The following PDE3A variants were observed in gnomAD, a reference collection of about 807,000 sequenced individuals.
PDE3A encodes the protein cGMP-inhibited 3',5'-cyclic phosphodiesterase 3A.
PDE3A carries 43 observed loss-of-function variants against 98.3 expected under a neutral mutation model. The ratio of observed to expected loss-of-function variants is 0.44; its 90% CI spans 0.34 to 0.56. The LOEUF (loss-of-function observed/expected upper bound fraction) is 0.56. Ranked by LOEUF, PDE3A falls within the 20% of genes least tolerant of loss-of-function variation. The pLI, the probability that PDE3A is intolerant of heterozygous loss-of-function variation, is 0.01. For missense variants in PDE3A, 1,427 were observed against 1,440.7 expected (o/e 0.99, Z 0.15); for synonymous variants, 663 against 567.9 (o/e 1.17, Z -2.38).
At chr12:20,620,308 C>T (rs1944102648) in intron 4 of PDE3A, among the ~76,000 whole-genome samples, 1 of 151,998 alleles carries the variant, frequency 6.6e-6, no homozygotes, top group South Asian at 2.1e-4. Context: ...ATTGTCAAAT[C>T]ATATTTACGT....
intron 2 of PDE3A, among the ~76,000 whole-genome samples, chr12:20,561,603 G>T (rs1232717955): frequency 6.6e-6 from 1 of 151,954 alleles, no homozygotes. Flanking sequence ...TAGACAAAAC[G>T]TTGGCATCTA....
At chr12:20,465,216 A>G (rs1050645699) in intron 1 of PDE3A, among the ~76,000 whole-genome samples, 12 of 152,084 alleles carry the variant, frequency 7.9e-5, no homozygotes, top group Admixed American at 6.6e-4. Context: ...AGCATGTCAT[A>G]GTTTTCATTT....
At chr12:20,639,500 A>G (rs1189726874) in intron 9 of PDE3A, among the ~76,000 whole-genome samples, 4 of 152,104 alleles carry the variant, frequency 2.6e-5, no homozygotes, top group Non-Finnish European at 5.9e-5. Flanking sequence ...TGAAATTTTC[A>G]TTATGGAAAA....
intron 1 of PDE3A, among the ~76,000 whole-genome samples, chr12:20,443,582 AACTC>A (rs1357124195): frequency 7.2e-5 from 11 of 152,132 alleles, no homozygotes; most frequent in Admixed American, 2.6e-4. Flanking sequence ...GCATAAGACT[AACTC>A]TTTTCGTTTG....
At chr12:20,547,198 A>T (rs1410340309) in intron 1 of PDE3A, among the ~76,000 whole-genome samples, 2 of 143,114 alleles carry the variant, frequency 1.4e-5, no homozygotes, top group South Asian at 2.1e-4. Context: ...CTGTACTTAT[A>T]TAAACTTACC....
intron 1 of PDE3A, among the ~76,000 whole-genome samples, chr12:20,546,728 A>G (rs1302759993): frequency 2.0e-5 from 3 of 152,032 alleles, no homozygotes; most frequent in Non-Finnish European, 2.9e-5. Flanking sequence ...AACAAAACCC[A>G]TATGTAAAGG....
At chr12:20,654,803 C>T (rs904921051) in intron 15 of PDE3A, among the ~76,000 whole-genome samples, 3 of 151,892 alleles carry the variant, frequency 2.0e-5, no homozygotes, top group South Asian at 2.1e-4. Context: ...TGAGCCACCG[C>T]GCCCAGCTGC....
intron 2 of PDE3A, 78 bp downstream of exon 2, chr12:20,556,788 T>C (rs1224925895): frequency 4.9e-6 from 5 of 1,024,474 alleles, no homozygotes; most frequent in African/African-American, 1.6e-5. Context: ...ACTCAAGAGA[T>C]AATAAAATGT....
rs1489659151 is a variant in PDE3A, at chr12:20,635,008, G to A, written c.1953G>A (p.Arg651=). Residue 651 remains arginine, a synonymous_variant, in exon 8 of 16, where the codon AGG becomes AGA. Coordinates refer to ENST00000359062, the MANE Select transcript of PDE3A (RefSeq NM_000921.5). ...DETECLREPL[R]KASACSTYAP... ...CAGAGTGCCTGAGAGAGCCTCTGAG[G>A]AAAGCATCGGCTTGCAGCACCTATG... 1 of 1,613,722 alleles carries A rather than the reference G, an allele frequency of 6.2e-7. No individual in the cohort carries two copies. The highest frequency in any genetic ancestry group is 1.1e-5 in the South Asian group (1 of 91,066).
In PDE3A at chr12:20,368,881, G is replaced by A. The variant is rs544560381; in HGVS notation, c.-404G>A. On this transcript the variant is annotated 5_prime_UTR_variant, in exon 1 of 16. Transcript: ENST00000359062. ...CGCCCCCGGCTCCTCCAGCGTCAGC[G>A]GCTCCTGCGCGCGGGATGCATTGGG... 1.1e-4 allele frequency among the ~76,000 whole-genome samples: 17 copies of A among 152,096 alleles called. No individual in the cohort carries two copies. The highest frequency in any genetic ancestry group is 2.1e-4 in the Non-Finnish European group (14 of 67,966).
intron 1 of PDE3A, among the ~76,000 whole-genome samples, chr12:20,536,935 A>G (rs1941764208): frequency 6.6e-6 from 1 of 152,066 alleles, no homozygotes; most frequent in African/African-American, 2.4e-5. Context: ...CATATGGTAA[A>G]TCCTTGTTTA....
chr12:20,595,205 T>C (rs1017376373), intron 2 of PDE3A, among the ~76,000 whole-genome samples: 1 of 152,132 alleles, frequency 6.6e-6, no homozygotes, highest in Non-Finnish European at 1.5e-5. Context: ...GTCTATAGTA[T>C]TGGTCTCATC....
intron 15 of PDE3A, among the ~76,000 whole-genome samples, chr12:20,677,254 G>A (rs1945665085): frequency 6.6e-6 from 1 of 152,020 alleles, no homozygotes; most frequent in Admixed American, 6.6e-5. Flanking sequence ...GTTTTTCTGA[G>A]TTGTAGTCTA....
chr12:20,561,218 G>T (rs987797087), intron 2 of PDE3A, among the ~76,000 whole-genome samples: 18 of 151,938 alleles, frequency 1.2e-4, no homozygotes, highest in African/African-American at 4.3e-4. Flanking sequence ...AGATTGCGCC[G>T]CTGCACTCCA....
intron 1 of PDE3A, among the ~76,000 whole-genome samples, chr12:20,383,035 A>C (rs919907363): frequency 5.9e-5 from 9 of 151,978 alleles, no homozygotes; most frequent in African/African-American, 2.2e-4. Flanking sequence ...ATAAGGCAAC[A>C]GTAGAAGGAG....
chr12:20,389,465 G>C (rs1943873783), intron 1 of PDE3A, among the ~76,000 whole-genome samples: 1 of 151,988 alleles, frequency 6.6e-6, no homozygotes, highest in Non-Finnish European at 1.5e-5. Flanking sequence ...AGTGCTTCTT[G>C]TTTTTAGTGG....
chr12:20,413,352 G>A (rs1199129318), intron 1 of PDE3A, among the ~76,000 whole-genome samples: 1 of 152,126 alleles, frequency 6.6e-6, no homozygotes. Context: ...TTGCTGTTCT[G>A]TTTTGTTTTG....
At chr12:20,489,828 T>C (rs1945799245) in intron 1 of PDE3A, among the ~76,000 whole-genome samples, 1 of 152,156 alleles carries the variant, frequency 6.6e-6, no homozygotes, top group Non-Finnish European at 1.5e-5. Context: ...TATGCCCCAA[T>C]AATGAATGAC....
intron 1 of PDE3A, among the ~76,000 whole-genome samples, chr12:20,393,603 A>G (rs894700217): frequency 6.6e-6 from 1 of 152,090 alleles, no homozygotes; most frequent in Admixed American, 6.6e-5. Context: ...CAAACGTTAC[A>G]TATACCCCAA....
Sources: gnomAD v4.1 joint callset for allele counts (sites outside exome capture counted in the v4.1 genomes callset) on GRCh38, gnomAD v4.1.1 for gene constraint, MANE v1.5 for transcripts, NCBI Gene and HGNC (gene_info 2026-07-23, HGNC 2026-07-21) for gene names.